FNTB: variants seen among roughly 807,000 people sequenced by gnomAD.
The protein encoded by FNTB is farnesyltransferase, CAAX box, subunit beta.
Under a neutral mutation model 59.4 loss-of-function variants are expected in FNTB, and 27 were observed. That is an observed-to-expected ratio of 0.45 (90% CI 0.34 to 0.63). The LOEUF (loss-of-function observed/expected upper bound fraction) is 0.63, where lower values mean the gene tolerates loss of function less well. Among genes scored for constraint, FNTB ranks in the 20% least tolerant of loss-of-function variants. FNTB has a pLI of 0.02. For missense variants in FNTB, 449 were observed against 559.6 expected, an observed-to-expected ratio of 0.80 and a Z score of 1.99; for synonymous variants, 230 against 220.7, an observed-to-expected ratio of 1.04 and a Z score of -0.37.
chr14:65,017,016 G>A (rs938352356), intron 4 of FNTB, among the ~76,000 whole-genome samples: 3 of 142,656 alleles, frequency 2.1e-5, no homozygotes, highest in East Asian at 4.7e-4. Flanking sequence ...TCTGCTTCCC[G>A]GGTTCAAGCG....
rs571039615 is a variant in FNTB, at chr14:64,995,906, G to A, written c.145-8343G>A. 1.6e-3 allele frequency among the ~76,000 whole-genome samples: 242 copies of A among 151,180 alleles called. 2 individuals are homozygous for A. The highest frequency in any genetic ancestry group is 3.7e-3 in the South Asian group (18 of 4,804). ...TGCACTTTGGGAGGCTGAGGCACGC[G>A]AATCTCCTGAGGTTGAGACCAGCCT... On this transcript the variant is annotated intron_variant, in intron 1 of 11. Coordinates refer to ENST00000246166, the MANE Select transcript of FNTB (RefSeq NM_002028.4).
At position 65,037,407 on chromosome 14, in the gene FNTB, T is replaced by C. The variant is rs1444049799; in HGVS notation, c.693-3383T>C. Among the ~76,000 whole-genome samples the C allele has an allele frequency of 1.2e-4, 3 of 25,980 alleles. 1 individual carries two copies. Among genetic ancestry groups the C allele is most frequent in the Admixed American group, 9.3e-4 (2 of 2,162 alleles). The allele number at this position is 25,980 out of a possible 152,430, so 17.0% of individuals were successfully genotyped here. A position where few individuals can be genotyped will look rare whatever the true frequency, so the allele number is the denominator to read the frequency against. ...CGTGAGCCACCACGCCGGGCCCTTT[T>C]TTTTTTTTTTTTTTTTTTTTTTTTT... On this transcript the variant is annotated intron_variant, in intron 7 of 11. Transcript: ENST00000246166.
chr14:65,037,775 T>C (rs2062245316), intron 7 of FNTB, among the ~76,000 whole-genome samples: 1 of 145,724 alleles, frequency 6.9e-6, no homozygotes, highest in African/African-American at 2.5e-5. Flanking sequence ...TTTATTTATT[T>C]ATTTATTTAT....
In FNTB at chr14:65,027,592, A is replaced by G; in HGVS notation, c.514A>G (p.Ile172Val). Residue 172 changes from isoleucine (I) to valine (V), a missense_variant, in exon 5 of 12, where the codon ATT becomes GTT. This residue lies in a region of FNTB where 337 missense variants were observed against 479.1 expected (regional missense o/e 0.70). Transcript: ENST00000246166. The surrounding 1 kb of genome is among the most constrained non-coding windows in gnomAD (Gnocchi z 5.7). ...TGGCACCGAGGAGGCCTATGACATC[A>G]TTAACAGGTACAGTGAAAGCCAGCA... is the stretch of plus-strand genomic sequence containing the variant. ...IIGTEEAYDI[I>V]NREKLLQYLY... The G allele has an allele frequency of 6.2e-7, 1 of 1,614,228 alleles. No individual in the cohort carries two copies.
At chr14:65,005,908 C>T (rs2061579488) in intron 2 of FNTB, among the ~76,000 whole-genome samples, 1 of 152,154 alleles carries the variant, frequency 6.6e-6, no homozygotes, top group Non-Finnish European at 1.5e-5. Flanking sequence ...GAGATTACAG[C>T]TGTGAGCCAT....
In FNTB at chr14:65,023,700, T is replaced by C. The variant is rs1331182407; in HGVS notation, c.375-3753T>C. Among the ~76,000 whole-genome samples the C allele has an allele frequency of 6.6e-6, 1 of 152,212 alleles. No individual in the cohort carries two copies. Among genetic ancestry groups the C allele is most frequent in the Non-Finnish European group, 1.5e-5 (1 of 68,032 alleles). ...TAATTAATTGAGAATTTAAATTGCC[T>C]CATGTGGCTAGTGGCTGCCTATTGG... On this transcript the variant is annotated intron_variant, in intron 4 of 11. Coordinates refer to ENST00000246166, the MANE Select transcript of FNTB (RefSeq NM_002028.4). This position sits in a 1 kb window ranked among gnomAD's most constrained non-coding sequence, Gnocchi z 4.1.
chr14:65,005,487 TTCTTTC>T (rs2061569357), intron 2 of FNTB, among the ~76,000 whole-genome samples: 1 of 137,778 alleles, frequency 7.3e-6, no homozygotes, highest in African/African-American at 3.0e-5. Context: ...CTTTCTTTCT[TTCTTTC>T]TTTCTTTCTT....
rs530627139 is a variant in FNTB, at chr14:65,014,825, C to G, written c.283-800C>G. Among the ~76,000 whole-genome samples, 1 of 151,950 alleles carries G rather than the reference C, an allele frequency of 6.6e-6. No homozygotes were observed. Among genetic ancestry groups the G allele is most frequent in the Non-Finnish European group, 1.5e-5 (1 of 67,982 alleles). ...CGAGACCCTGTCTCAAAAAAATAAA[C>G]GGTAGAAACCAAATTTTATTATCAT... On this transcript the variant is annotated intron_variant, in intron 3 of 11. Transcript: ENST00000246166. This position sits in a 1 kb window ranked among gnomAD's most constrained non-coding sequence, Gnocchi z 5.1.
In FNTB at chr14:65,030,881, C is replaced by T. The variant is rs560321598; in HGVS notation, c.606-1729C>T. ...GGAGCGCAGTGGTGGGATCTTGGCT[C>T]ACTGCAACCTCTGTCTCTGGGGTTC... is the stretch of plus-strand genomic sequence containing the variant. On this transcript the variant is annotated intron_variant, in intron 6 of 11. Transcript: ENST00000246166. The surrounding 1 kb of genome is among the most constrained non-coding windows in gnomAD (Gnocchi z 4.5). Among the ~76,000 whole-genome samples the T allele has an allele frequency of 5.3e-5, 8 of 152,274 alleles. No homozygotes were observed. The highest frequency in any genetic ancestry group is 1.9e-4 in the African/African-American group (8 of 41,560).
rs770013200 is a variant in FNTB, at chr14:65,028,000, T to C, written c.605+219T>C. ...CTTATTTTATGTAAATGTGAAAATA[T>C]AAGAAACAAATGCTTTTGTTTTAGA... On this transcript the variant is annotated intron_variant, in intron 6 of 11. Coordinates refer to ENST00000246166, the MANE Select transcript of FNTB (RefSeq NM_002028.4). The surrounding 1 kb of genome is among the most constrained non-coding windows in gnomAD (Gnocchi z 5.7). Among the ~76,000 whole-genome samples, 5 of 152,208 alleles carry C rather than the reference T, an allele frequency of 3.3e-5. No homozygotes were observed. Among genetic ancestry groups the C allele is most frequent in the East Asian group, 1.9e-4 (1 of 5,204 alleles).
At chr14:65,040,011 A>G (rs72728263) in intron 7 of FNTB, among the ~76,000 whole-genome samples, 15,142 of 152,028 alleles carry the variant, frequency 0.1, 1,000 homozygotes, top group Admixed American at 0.17. Flanking sequence ...TAACATGGCA[A>G]TGCCCCATCT....
chr14:65,050,959 G>C (rs1227345863), intron 9 of FNTB, among the ~76,000 whole-genome samples: 4 of 152,226 alleles, frequency 2.6e-5, no homozygotes, highest in African/African-American at 9.6e-5. Flanking sequence ...AAAGAAGATA[G>C]AGTGAAGTCC....
Position 64,987,090 on chromosome 14 carries a change from T to C in FNTB, c.137T>C (p.Ile46Thr), listed in dbSNP as rs774776136. The C allele has an allele frequency of 2.2e-5, 35 of 1,614,046 alleles. No individual in the cohort carries two copies. In the African/African-American group the frequency reaches 2.8e-4, roughly 13 times the overall value. The change falls in exon 1 of 12, where the codon ATA (isoleucine) becomes ACA (threonine). Residue 46 changes from isoleucine (I) to threonine (T), a missense_variant. Physicochemically the swap from Ile to Thr is moderately conservative, Grantham distance 89. Around this residue, in one of 2 missense-constraint regions of FNTB, gnomAD observed 112 missense variants for 80.5 expected, o/e 1.39. Coordinates refer to ENST00000246166, the MANE Select transcript of FNTB (RefSeq NM_002028.4). Reference sequence around the variant, plus strand: ...GACTCGGTGGAAACAGTCACGTCCATAGAACAGGTGAGGTGGCAGGACTGG... The same window carrying C: ...GACTCGGTGGAAACAGTCACGTCCACAGAACAGGTGAGGTGGCAGGACTGG... ...QDDSVETVTSIEQAKVEEKIQ... is the reference protein window; with the variant it reads ...QDDSVETVTSTEQAKVEEKIQ...
At chr14:65,053,719 T>C (rs1227988178) in intron 10 of FNTB, among the ~76,000 whole-genome samples, 2 of 151,844 alleles carry the variant, frequency 1.3e-5, no homozygotes, top group Non-Finnish European at 2.9e-5. Flanking sequence ...TCATGACAAC[T>C]ATTATAGAGT....
chr14:65,010,293 C>G (rs2061663252), intron 2 of FNTB, among the ~76,000 whole-genome samples: 1 of 152,220 alleles, frequency 6.6e-6, no homozygotes, highest in Non-Finnish European at 1.5e-5. Context: ...TGTTTCCAAA[C>G]TTCTCTCTCT....
intron 1 of FNTB, 59 bp from the exon 2 acceptor site, chr14:65,004,190 G>A: frequency 1.3e-6 from 2 of 1,583,470 alleles, no homozygotes; most frequent in Admixed American, 1.8e-5. Context: ...GGAAGAAAAA[G>A]CTGATGGAGG....
At position 65,044,997 on chromosome 14, in the gene FNTB, A is replaced by G. The variant is rs2062443777; in HGVS notation, c.955+554A>G. Among the ~76,000 whole-genome samples, 1 of 152,212 alleles carries G rather than the reference A, an allele frequency of 6.6e-6. No homozygotes were observed. The highest frequency in any genetic ancestry group is 1.5e-5 in the Non-Finnish European group (1 of 68,042). ...ATTAGAAATGTTTTATTTTACATTC[A>G]TTGAATAAGCCTAAATGGGAGTTTG... On this transcript the variant is annotated intron_variant, in intron 9 of 11. Transcript: ENST00000246166. This position sits in a 1 kb window ranked among gnomAD's most constrained non-coding sequence, Gnocchi z 5.5.
intron 1 of FNTB, among the ~76,000 whole-genome samples, chr14:64,999,492 T>C (rs1359100567): frequency 3.3e-5 from 5 of 152,106 alleles, no homozygotes; most frequent in African/African-American, 4.8e-5. Flanking sequence ...TAAACTGGAT[T>C]TGATGCTTAA....
At chr14:64,996,285 A>T (rs1888394005) in intron 1 of FNTB, among the ~76,000 whole-genome samples, 1 of 152,102 alleles carries the variant, frequency 6.6e-6, no homozygotes. Context: ...GCCCATCTCT[A>T]TTATAAGAAA....
Sources: gnomAD v4.1 joint callset for allele counts (sites outside exome capture counted in the v4.1 genomes callset) on GRCh38, gnomAD v4.1.1 for gene constraint, gnomAD v4.1.1 regional missense constraint, Gnocchi (gnomAD v3.1) non-coding constraint, MANE v1.5 for transcripts, NCBI Gene and HGNC (gene_info 2026-07-23, HGNC 2026-07-21) for gene names.